MACROD2: variants seen among roughly 807,000 people sequenced by gnomAD.
The protein encoded by MACROD2 is ADP-ribose glycohydrolase MACROD2.
MACROD2 carries 36 observed loss-of-function variants against 70.4 expected under a neutral mutation model. The observed-to-expected ratio is 0.51, with a 90% CI of 0.39 to 0.68. The LOEUF is 0.68. MACROD2 is among the 30% of genes least tolerant of loss of function. The probability of loss-of-function intolerance (pLI) is 0.00; values close to 1 mark genes in which losing one functional copy is unlikely to be tolerated. For missense variants in MACROD2, 496 were observed against 538.4 expected, an observed-to-expected ratio of 0.92 and a Z score of 0.78; for synonymous variants, 172 against 178.8, an observed-to-expected ratio of 0.96 and a Z score of 0.30.
At chr20:15,981,272 G>A (rs1483874916) in intron 13 of MACROD2, among the ~76,000 whole-genome samples, 1 of 152,148 alleles carries the variant, frequency 6.6e-6, no homozygotes, top group Non-Finnish European at 1.5e-5. Flanking sequence ...TTACTGAATA[G>A]ATCTCTTTCT....
At chr20:14,893,734 C>T (rs1378001362) in intron 5 of MACROD2, 1 of 151,862 alleles carries the variant, frequency 6.6e-6, no homozygotes, top group East Asian at 1.9e-4. Context: ...TTTTCTCCAC[C>T]CTTCTTATTT....
intron 5 of MACROD2, among the ~76,000 whole-genome samples, chr20:14,832,059 T>A (rs937315633): frequency 1.5e-5 from 2 of 137,924 alleles, no homozygotes; most frequent in African/African-American, 5.5e-5. Context: ...TTTTTTTTTT[T>A]TGAGAGGGAG....
rs570221050 is a variant in MACROD2, at chr20:15,096,271, G to A, written c.419-133669G>A. ...GGTGCAATCATCAGTCCCCTGCAGG[G>A]TACTCTAGGATTCTGGAGACATTAA... On this transcript the variant is annotated intron_variant, in intron 5 of 17. Transcript: ENST00000684519. Among the ~76,000 whole-genome samples the A allele has an allele frequency of 2.6e-4, 39 of 151,994 alleles. 1 individual carries two copies. The South Asian group carries it at 7.7e-3, about 30-fold the overall frequency.
chr20:14,923,484 T>TA (rs1449284073), intron 5 of MACROD2, among the ~76,000 whole-genome samples: 2 of 152,112 alleles, frequency 1.3e-5, no homozygotes, highest in African/African-American at 4.8e-5. Flanking sequence ...ACACCTTCTG[T>TA]AGTTTCCTGC....
At chr20:15,065,998 C>G (rs2075571351) in intron 5 of MACROD2, among the ~76,000 whole-genome samples, 1 of 152,120 alleles carries the variant, frequency 6.6e-6, no homozygotes, top group Non-Finnish European at 1.5e-5. Context: ...TAGGTTTGCT[C>G]CACATTCTGG....
At chr20:15,928,052 G>A (rs73900810) in intron 10 of MACROD2, among the ~76,000 whole-genome samples, 2,848 of 152,288 alleles carry the variant, frequency 0.019, 70 homozygotes, top group African/African-American at 0.059. Context: ...GCGAAACACA[G>A]ATGTGATCTG....
intron 3 of MACROD2, among the ~76,000 whole-genome samples, chr20:14,132,800 G>A (rs551127609): frequency 9.9e-5 from 15 of 152,024 alleles, no homozygotes; most frequent in African/African-American, 3.4e-4. Context: ...CACTGTGCCT[G>A]GCTAATTATT....
At chr20:14,365,500 T>A (rs1349474910) in intron 3 of MACROD2, among the ~76,000 whole-genome samples, 1 of 151,978 alleles carries the variant, frequency 6.6e-6, no homozygotes, top group African/African-American at 2.4e-5. Context: ...GTATATTTTT[T>A]ACCCTTTTTT....
intron 7 of MACROD2, among the ~76,000 whole-genome samples, chr20:15,493,124 G>A (rs914030331): frequency 3.3e-5 from 5 of 152,146 alleles, no homozygotes; most frequent in African/African-American, 1.2e-4. Flanking sequence ...ATGATTGAGT[G>A]CATAAAGAAT....
intron 5 of MACROD2, among the ~76,000 whole-genome samples, chr20:14,991,995 CAT>C (rs559215517): frequency 5.0e-4 from 76 of 152,238 alleles, no homozygotes; most frequent in Non-Finnish European, 9.4e-4. Context: ...AAGCACTTGT[CAT>C]ATTGAGTGGG....
At chr20:14,398,454 C>T (rs779609812) in intron 3 of MACROD2, among the ~76,000 whole-genome samples, 6 of 149,004 alleles carry the variant, frequency 4.0e-5, no homozygotes, top group Admixed American at 6.7e-5. Context: ...CTAACTGGGG[C>T]GAGATGATAT....
intron 4 of MACROD2, among the ~76,000 whole-genome samples, chr20:14,626,276 G>A (rs1161392912): frequency 1.3e-5 from 2 of 152,142 alleles, no homozygotes; most frequent in Non-Finnish European, 2.9e-5. Flanking sequence ...GAAACCCATG[G>A]CACGGCCTTT....
intron 2 of MACROD2, among the ~76,000 whole-genome samples, chr20:14,048,094 C>A (rs557740707): frequency 6.6e-6 from 1 of 151,782 alleles, no homozygotes; most frequent in East Asian, 1.9e-4. Context: ...TTAACGAACA[C>A]CATGGATTTT....
At chr20:14,644,824 T>A (rs1267866593) in intron 4 of MACROD2, among the ~76,000 whole-genome samples, 4 of 152,138 alleles carry the variant, frequency 2.6e-5, no homozygotes, top group African/African-American at 4.8e-5. Context: ...ATGCCATTTT[T>A]GTGTTCTTGT....
chr20:15,510,860 A>G (rs538746453), intron 8 of MACROD2, among the ~76,000 whole-genome samples: 1 of 152,338 alleles, frequency 6.6e-6, no homozygotes, highest in Admixed American at 6.5e-5. Context: ...CTACATTTCT[A>G]TTTATGAACC....
chr20:14,758,288 T>C (rs2123747995), intron 5 of MACROD2, among the ~76,000 whole-genome samples: 1 of 152,236 alleles, frequency 6.6e-6, no homozygotes, highest in African/African-American at 2.4e-5. Context: ...ATTTGTAATG[T>C]CATTATCCAT....
intron 3 of MACROD2, among the ~76,000 whole-genome samples, chr20:14,168,066 GACATTAATCTATTA>G (rs1483272821): frequency 6.6e-6 from 1 of 152,082 alleles, no homozygotes; most frequent in Non-Finnish European, 1.5e-5. Context: ...CTTCAGAGAG[GACATTAATCTATTA>G]AGATATTAAG....
chr20:14,987,997 T>G (rs1289369221), intron 5 of MACROD2, among the ~76,000 whole-genome samples: 3 of 152,148 alleles, frequency 2.0e-5, no homozygotes, highest in Non-Finnish European at 4.4e-5. Flanking sequence ...AAGTGGCTTC[T>G]GTGTCCTCTG....
chr20:15,393,361 T>G (rs1474970357), intron 6 of MACROD2, among the ~76,000 whole-genome samples: 1 of 152,220 alleles, frequency 6.6e-6, no homozygotes, highest in Non-Finnish European at 1.5e-5. Context: ...CCTGACCCTT[T>G]CTCCAGATGT....
Sources: gnomAD v4.1 joint callset for allele counts (sites outside exome capture counted in the v4.1 genomes callset) on GRCh38, gnomAD v4.1.1 for gene constraint, MANE v1.5 for transcripts, NCBI Gene and HGNC (gene_info 2026-07-23, HGNC 2026-07-21) for gene names.